The following EXT1 variants were observed in gnomAD, a reference collection of about 807,000 sequenced individuals.
The protein encoded by EXT1 is exostosin-1.
A neutral mutation model predicts 82.5 loss-of-function variants in EXT1; 20 were observed. The ratio of observed to expected loss-of-function variants is 0.24; its 90% CI spans 0.17 to 0.35. EXT1 has a LOEUF of 0.35. Ranked by LOEUF, EXT1 falls within the 10% of genes least tolerant of loss-of-function variation. The pLI, the probability that EXT1 is intolerant of heterozygous loss-of-function variation, is 1.00. For synonymous variants in EXT1, 348 were observed against 350.8 expected (o/e 0.99, Z 0.09); for missense variants, 757 against 936.5 (o/e 0.81, Z 2.50).
rs1299251559 is a variant in EXT1, at chr8:117,797,073, C to T, written c.*2639G>A. The T allele has an allele frequency of 6.6e-6, 1 of 152,220 alleles. No individual in the cohort carries two copies. Among genetic ancestry groups the T allele is most frequent in the African/African-American group, 2.4e-5 (1 of 41,454 alleles). 9.4% of individuals were successfully genotyped at this position (152,220 alleles called of 1,614,324 possible). Reference sequence around the variant, plus strand: ...AGCCCACTTAGGGACCCCTAGTTATCATTAAAGTTGACCAGGAGATAATTC... The same window carrying T: ...AGCCCACTTAGGGACCCCTAGTTATTATTAAAGTTGACCAGGAGATAATTC... On this transcript the variant is annotated 3_prime_UTR_variant, in exon 11 of 11. Transcript: ENST00000378204.
intron 1 of EXT1, among the ~76,000 whole-genome samples, chr8:117,986,190 T>TC (rs1815313940): frequency 3.0e-4 from 6 of 20,178 alleles, no homozygotes; most frequent in Middle Eastern, 0.05. Flanking sequence ...TTCTTTTCTT[T>TC]TTTTTTTTTT....
chr8:117,888,121 A>G (rs1407192281), intron 1 of EXT1, among the ~76,000 whole-genome samples: 1 of 150,456 alleles, frequency 6.6e-6, no homozygotes, highest in Admixed American at 6.6e-5. Flanking sequence ...ATAATAAATA[A>G]ATAAATATAA....
At chr8:117,959,504 T>C (rs955460434) in intron 1 of EXT1, among the ~76,000 whole-genome samples, 7 of 152,202 alleles carry the variant, frequency 4.6e-5, no homozygotes, top group African/African-American at 1.4e-4. Flanking sequence ...GAGGCAGTTC[T>C]CGGCACAGTC....
chr8:117,998,756 C>T (rs749656576), intron 1 of EXT1, among the ~76,000 whole-genome samples: 1 of 152,174 alleles, frequency 6.6e-6, no homozygotes. Context: ...TTACCGAGGG[C>T]TAACTTGTAA....
chr8:118,056,801 G>C (rs899018363), intron 1 of EXT1, among the ~76,000 whole-genome samples: 4 of 152,196 alleles, frequency 2.6e-5, no homozygotes, highest in African/African-American at 9.6e-5. Flanking sequence ...CCAGAGAAGA[G>C]AGCCTGGAAG....
intron 1 of EXT1, among the ~76,000 whole-genome samples, chr8:117,847,992 T>C (rs184618613): frequency 1.4e-4 from 21 of 152,326 alleles, no homozygotes; most frequent in African/African-American, 5.1e-4. Flanking sequence ...CCTTGTGACT[T>C]TGACAGTCAG....
chr8:117,876,111 G>A (rs1208597812), intron 1 of EXT1, among the ~76,000 whole-genome samples: 1 of 152,186 alleles, frequency 6.6e-6, no homozygotes, highest in Admixed American at 6.5e-5. Context: ...GGCACTAAGA[G>A]TCTAATAGTC....
intron 1 of EXT1, among the ~76,000 whole-genome samples, chr8:118,031,047 T>G (rs1243716083): frequency 6.6e-6 from 1 of 152,084 alleles, no homozygotes; most frequent in African/African-American, 2.4e-5. Context: ...GCAGGTCCCA[T>G]GTGTACCCTA....
intron 1 of EXT1, among the ~76,000 whole-genome samples, chr8:117,856,890 T>C (rs1273345692): frequency 6.6e-6 from 1 of 152,158 alleles, no homozygotes; most frequent in Admixed American, 6.5e-5. Context: ...CTGACTCTCT[T>C]TTAAGAGGCT....
At chr8:118,076,087 T>C (rs1441551608) in intron 1 of EXT1, among the ~76,000 whole-genome samples, 1 of 152,190 alleles carries the variant, frequency 6.6e-6, no homozygotes. Flanking sequence ...GGGAAGTATA[T>C]TCCTAAAACA....
chr8:117,907,500 A>G (rs1813564549), intron 1 of EXT1, among the ~76,000 whole-genome samples: 1 of 152,314 alleles, frequency 6.6e-6, no homozygotes, highest in East Asian at 1.9e-4. Flanking sequence ...TTGCCTTAAA[A>G]TAACATTCTG....
At chr8:118,095,446 A>C (rs2130008348) in intron 1 of EXT1, among the ~76,000 whole-genome samples, 1 of 152,362 alleles carries the variant, frequency 6.6e-6, no homozygotes, top group Non-Finnish European at 1.5e-5. Flanking sequence ...ACTGCCCTGC[A>C]TTGACAGGTT....
At chr8:117,996,274 T>C (rs1232697036) in intron 1 of EXT1, among the ~76,000 whole-genome samples, 1 of 152,184 alleles carries the variant, frequency 6.6e-6, no homozygotes, top group East Asian at 1.9e-4. Context: ...AACTGCTAGA[T>C]ATGGGTGAGC....
At chr8:117,981,504 A>C (rs1815202213) in intron 1 of EXT1, among the ~76,000 whole-genome samples, 1 of 152,222 alleles carries the variant, frequency 6.6e-6, no homozygotes, top group African/African-American at 2.4e-5. Flanking sequence ...TCAAAGGGGC[A>C]AGGCAAGCAG....
intron 1 of EXT1, among the ~76,000 whole-genome samples, chr8:118,051,765 CA>C (rs1187816034): frequency 1.7e-5 from 2 of 120,006 alleles, no homozygotes; most frequent in African/African-American, 6.4e-5. Flanking sequence ...ACTACGCTAA[CA>C]ATATCGTAAG....
Position 117,799,905 on chromosome 8 carries a change from G to A in EXT1, c.2056-8C>T, listed in dbSNP as rs892329001. 6.2e-7 allele frequency: 1 copy of A among 1,613,720 alleles called. No homozygotes were observed. Among genetic ancestry groups the A allele is most frequent in the South Asian group, 1.1e-5 (1 of 91,066 alleles). On this transcript the variant is annotated splice_polypyrimidine_tract_variant and splice_region_variant and intron_variant, in intron 10 of 10. Transcript: ENST00000378204. ...ACGGGAAGCCCGAGAAGTCTAGGGA[G>A]AAGGAGAGAAACAAGGATAATGATG...
At chr8:117,923,072 C>T (rs1271482959) in intron 1 of EXT1, among the ~76,000 whole-genome samples, 3 of 152,156 alleles carry the variant, frequency 2.0e-5, no homozygotes, top group Non-Finnish European at 4.4e-5. Flanking sequence ...TGCCTGTAAT[C>T]CCAGCACTTT....
At chr8:118,036,230 G>C (rs1816416811) in intron 1 of EXT1, among the ~76,000 whole-genome samples, 2 of 151,958 alleles carry the variant, frequency 1.3e-5, no homozygotes, top group Non-Finnish European at 2.9e-5. Flanking sequence ...TTAACCATAT[G>C]ATCTTCCCAC....
chr8:118,100,681 G>A (rs778102125), intron 1 of EXT1, among the ~76,000 whole-genome samples: 21 of 152,034 alleles, frequency 1.4e-4, no homozygotes, highest in Non-Finnish European at 2.8e-4. Context: ...AGGAGGCAGA[G>A]GTTGCAGTGA....
Sources: allele counts gnomAD v4.1 joint callset (sites outside exome capture counted in the v4.1 genomes callset), GRCh38; gene constraint gnomAD v4.1.1; transcripts MANE v1.5; gene names NCBI Gene and HGNC (gene_info 2026-07-23, HGNC 2026-07-21).